CADPS2: variants seen among roughly 807,000 people sequenced by gnomAD.
CADPS2 encodes the protein calcium dependent secretion activator 2, also known as calcium-dependent secretion activator 2.
A neutral mutation model predicts 172.5 loss-of-function variants in CADPS2; 93 were observed. The ratio of observed to expected loss-of-function variants is 0.54; its 90% CI spans 0.46 to 0.64. CADPS2 has a LOEUF of 0.64. Ranked by LOEUF, CADPS2 falls within the 30% of genes least tolerant of loss-of-function variation. The pLI is 0.00. For missense variants in CADPS2, 1,420 were observed against 1,565.9 expected, an observed-to-expected ratio of 0.91 and a Z score of 1.57; for synonymous variants, 546 against 555.2, an observed-to-expected ratio of 0.98 and a Z score of 0.23.
chr7:122,650,864 T>C (rs1012624284), intron 3 of CADPS2, among the ~76,000 whole-genome samples: 27 of 152,130 alleles, frequency 1.8e-4, no homozygotes, highest in Non-Finnish European at 1.0e-4. Flanking sequence ...TACATTATGA[T>C]ACATTTATTT....
At chr7:122,506,190 C>T (rs1006143031) in intron 9 of CADPS2, among the ~76,000 whole-genome samples, 3 of 152,124 alleles carry the variant, frequency 2.0e-5, no homozygotes, top group Non-Finnish European at 4.4e-5. Context: ...TATTCTGATC[C>T]GGTATTTGTT....
intron 2 of CADPS2, among the ~76,000 whole-genome samples, chr7:122,704,194 C>G (rs1446357930): frequency 6.6e-6 from 1 of 151,914 alleles, no homozygotes; most frequent in Non-Finnish European, 1.5e-5. Context: ...TTATTGTATT[C>G]CCTGGCCTAT....
At chr7:122,400,978 A>AT (rs1453401675) in intron 20 of CADPS2, among the ~76,000 whole-genome samples, 1 of 152,166 alleles carries the variant, frequency 6.6e-6, no homozygotes, top group East Asian at 1.9e-4. Context: ...ACCCAGCAGG[A>AT]TTTCCACCTC....
intron 18 of CADPS2, among the ~76,000 whole-genome samples, chr7:122,414,831 A>G (rs2047700465): frequency 6.6e-6 from 1 of 152,208 alleles, no homozygotes; most frequent in African/African-American, 2.4e-5. Flanking sequence ...TAGATTTTTT[A>G]GAACTAGGCT....
intron 2 of CADPS2, among the ~76,000 whole-genome samples, chr7:122,705,978 TATAATATTA>T: frequency 1.4e-5 from 1 of 71,894 alleles, no homozygotes; most frequent in Non-Finnish European, 2.3e-5. Flanking sequence ...TAATATAATA[TATAATATTA>T]TATATTATAT....
chr7:122,426,703 C>A (rs2049212056), intron 17 of CADPS2, among the ~76,000 whole-genome samples: 1 of 152,136 alleles, frequency 6.6e-6, no homozygotes, highest in South Asian at 2.1e-4. Context: ...TAACAAGGTG[C>A]CATGAAAGCC....
At chr7:122,428,769 G>A (rs1386954784) in intron 17 of CADPS2, among the ~76,000 whole-genome samples, 1 of 151,984 alleles carries the variant, frequency 6.6e-6, no homozygotes. Flanking sequence ...GTACCCGGCA[G>A]AGTATACATT....
intron 7 of CADPS2, among the ~76,000 whole-genome samples, chr7:122,565,172 C>T (rs1321683467): frequency 6.6e-6 from 1 of 151,818 alleles, no homozygotes; most frequent in Non-Finnish European, 1.5e-5. Flanking sequence ...CCAGACTTCA[C>T]CGCTATGCAG....
At chr7:122,527,263 G>A (rs1349474985) in intron 8 of CADPS2, among the ~76,000 whole-genome samples, 1 of 151,912 alleles carries the variant, frequency 6.6e-6, no homozygotes, top group Non-Finnish European at 1.5e-5. Flanking sequence ...GCCCCTTTAT[G>A]CCGAAAAGGG....
At chr7:122,707,270 T>A (rs530683378) in intron 2 of CADPS2, among the ~76,000 whole-genome samples, 1 of 152,004 alleles carries the variant, frequency 6.6e-6, no homozygotes, top group South Asian at 2.1e-4. Flanking sequence ...CTAGGCAGAA[T>A]AAAAGAGTTA....
At chr7:122,505,864 C>T (rs1043215392) in intron 9 of CADPS2, among the ~76,000 whole-genome samples, 1 of 152,072 alleles carries the variant, frequency 6.6e-6, no homozygotes, top group African/African-American at 2.4e-5. Flanking sequence ...TACTTTTATC[C>T]ATCCCCTTTG....
chr7:122,882,044 C>T, intron 1 of CADPS2, among the ~76,000 whole-genome samples: 1 of 152,018 alleles, frequency 6.6e-6, no homozygotes, highest in East Asian at 1.9e-4. Context: ...CCACTATGTC[C>T]AAAGGGAGAT....
Position 122,693,617 on chromosome 7 carries a change from G to A in CADPS2, c.454-30048C>T, listed in dbSNP as rs74891352. On this transcript the variant is annotated intron_variant, in intron 2 of 29. Coordinates refer to ENST00000449022, the MANE Select transcript of CADPS2 (RefSeq NM_017954.11). ...TTGGAAAAGCTCTCCAGGTGATTCCGATGTGCAGCCAAGGTTTTGAAGTAC... is the reference window on the plus strand; with the variant it reads ...TTGGAAAAGCTCTCCAGGTGATTCCAATGTGCAGCCAAGGTTTTGAAGTAC... Among the ~76,000 whole-genome samples, 358 of 152,230 alleles carry A rather than the reference G, an allele frequency of 2.4e-3. 6 individuals carry two copies. The East Asian group carries it at 0.055, about 23-fold the overall frequency.
At chr7:122,836,318 C>T (rs1039516376) in intron 1 of CADPS2, among the ~76,000 whole-genome samples, 1 of 152,092 alleles carries the variant, frequency 6.6e-6, no homozygotes, top group African/African-American at 2.4e-5. Flanking sequence ...CCAGCCACTG[C>T]AAAAACATGC....
intron 2 of CADPS2, chr7:122,698,870 A>T (rs755182334): frequency 1.9e-6 from 3 of 1,608,516 alleles, no homozygotes; most frequent in Non-Finnish European, 2.5e-6. Flanking sequence ...TTCATAAGCC[A>T]GGAAGAGGCA....
intron 7 of CADPS2, among the ~76,000 whole-genome samples, chr7:122,578,947 T>TG (rs1168456264): frequency 6.6e-6 from 1 of 152,042 alleles, no homozygotes; most frequent in Non-Finnish European, 1.5e-5. Context: ...ACAAGGGAGA[T>TG]GTCTAGGTCA....
chr7:122,765,111 A>T (rs2093505516), intron 1 of CADPS2, among the ~76,000 whole-genome samples: 1 of 152,154 alleles, frequency 6.6e-6, no homozygotes, highest in Non-Finnish European at 1.5e-5. Context: ...GGATTATACC[A>T]ATTGGGCTGT....
At chr7:122,752,211 TTCTC>T (rs1457257644) in intron 1 of CADPS2, among the ~76,000 whole-genome samples, 2 of 152,206 alleles carry the variant, frequency 1.3e-5, no homozygotes, top group African/African-American at 2.4e-5. Context: ...ATTAGTTTCT[TTCTC>T]AGTTAATTTC....
chr7:122,393,716 A>C, intron 20 of CADPS2, 134 bp from the exon 21 acceptor site: 1 of 815,352 alleles, frequency 1.2e-6, no homozygotes. Flanking sequence ...AGAGTAGATC[A>C]TACCCCCCAT....
Sources: gnomAD v4.1 joint callset for allele counts (sites outside exome capture counted in the v4.1 genomes callset) on GRCh38, gnomAD v4.1.1 for gene constraint, MANE v1.5 for transcripts, NCBI Gene and HGNC (gene_info 2026-07-23, HGNC 2026-07-21) for gene names.